HPSE2: variants seen among roughly 807,000 people sequenced by gnomAD.
The protein encoded by HPSE2 is heparanase 2 (inactive).
Under a neutral mutation model 60.5 loss-of-function variants are expected in HPSE2, and 38 were observed. The observed-to-expected ratio is 0.63, with a 90% confidence interval of 0.48 to 0.82. HPSE2 has a LOEUF of 0.82. Ranked by LOEUF, HPSE2 falls within the 40% of genes least tolerant of loss-of-function variation. The probability of loss-of-function intolerance (pLI) is 0.00; values close to 1 mark genes in which losing one functional copy is unlikely to be tolerated. For synonymous variants in HPSE2, 295 were observed against 293.2 expected (o/e 1.01, Z -0.06); for missense variants, 713 against 740.4 (o/e 0.96, Z 0.43).
chr10:98,462,282 G>A (rs1940326724), intron 11 of HPSE2, among the ~76,000 whole-genome samples: 1 of 152,134 alleles, frequency 6.6e-6, no homozygotes, highest in African/African-American at 2.4e-5. Context: ...GGGTTCAAAT[G>A]ATTCTCCTGC....
At chr10:98,733,295 A>AT (rs1181930982) in intron 4 of HPSE2, among the ~76,000 whole-genome samples, 12 of 151,826 alleles carry the variant, frequency 7.9e-5, no homozygotes, top group Admixed American at 2.6e-4. Context: ...TATTTTTTGT[A>AT]TTTTTTTGTA....
At chr10:98,522,129 A>G (rs1040036506) in intron 9 of HPSE2, among the ~76,000 whole-genome samples, 2 of 148,244 alleles carry the variant, frequency 1.3e-5, no homozygotes, top group Non-Finnish European at 3.0e-5. Flanking sequence ...AACTTAAAGG[A>G]TAATTATAAA....
At chr10:98,551,805 T>A (rs1033872337) in intron 9 of HPSE2, among the ~76,000 whole-genome samples, 8 of 152,242 alleles carry the variant, frequency 5.3e-5, no homozygotes, top group African/African-American at 1.4e-4. Context: ...CAAAGTATCC[T>A]AATTGATACA....
chr10:99,122,448 TATGA>T (rs1231106524), intron 3 of HPSE2, among the ~76,000 whole-genome samples: 1 of 151,906 alleles, frequency 6.6e-6, no homozygotes, highest in Non-Finnish European at 1.5e-5. Flanking sequence ...CAAAACACTC[TATGA>T]ATAAGCTACT....
intron 3 of HPSE2, among the ~76,000 whole-genome samples, chr10:99,025,175 G>GATGA: frequency 6.6e-6 from 1 of 152,258 alleles, no homozygotes; most frequent in South Asian, 2.1e-4. Context: ...GAAGCAGAGA[G>GATGA]ATGAAGTTAA....
At chr10:98,622,945 C>T (rs1323215142) in intron 7 of HPSE2, among the ~76,000 whole-genome samples, 11 of 152,138 alleles carry the variant, frequency 7.2e-5, no homozygotes, top group East Asian at 1.9e-4. Context: ...TAAAGGACTA[C>T]ATCTATGATT....
At chr10:98,765,908 A>G (rs1950109375) in intron 3 of HPSE2, among the ~76,000 whole-genome samples, 1 of 152,040 alleles carries the variant, frequency 6.6e-6, no homozygotes, top group Admixed American at 6.6e-5. Context: ...AAGAAGCTAT[A>G]AAAAGAAAAG....
chr10:98,769,025 T>C (rs1365808399), intron 3 of HPSE2, among the ~76,000 whole-genome samples: 2 of 152,160 alleles, frequency 1.3e-5, no homozygotes, highest in Admixed American at 6.6e-5. Context: ...CCAGCCTGCA[T>C]GACAGAGCAA....
chr10:98,677,079 C>T (rs1239892214), intron 6 of HPSE2, among the ~76,000 whole-genome samples: 3 of 152,212 alleles, frequency 2.0e-5, no homozygotes, highest in South Asian at 2.1e-4. Context: ...CCAGGAGCAC[C>T]TCTCCCTTTC....
chr10:99,071,398 A>C (rs1292980111), intron 3 of HPSE2, among the ~76,000 whole-genome samples: 1 of 152,090 alleles, frequency 6.6e-6, no homozygotes, highest in East Asian at 1.9e-4. Flanking sequence ...GAAATGTCAT[A>C]TCTTTCATAG....
chr10:99,017,092 T>C (rs1001427697), intron 3 of HPSE2, among the ~76,000 whole-genome samples: 1 of 152,140 alleles, frequency 6.6e-6, no homozygotes, highest in Non-Finnish European at 1.5e-5. Context: ...AGAGAGACTA[T>C]CCTGTCTTGT....
chr10:98,603,618 C>T (rs917391482), intron 9 of HPSE2, among the ~76,000 whole-genome samples: 5 of 151,834 alleles, frequency 3.3e-5, no homozygotes, highest in Admixed American at 2.6e-4. Flanking sequence ...TTAGTAGTAA[C>T]GGGGTTTCAC....
chr10:98,919,284 A>T (rs1954214316), intron 3 of HPSE2, among the ~76,000 whole-genome samples: 1 of 152,206 alleles, frequency 6.6e-6, no homozygotes, highest in Non-Finnish European at 1.5e-5. Context: ...ACTAGAAAGC[A>T]TGAAGGGGAG....
At chr10:99,034,533 G>A (rs1171454537) in intron 3 of HPSE2, among the ~76,000 whole-genome samples, 1 of 151,884 alleles carries the variant, frequency 6.6e-6, no homozygotes, top group Non-Finnish European at 1.5e-5. Flanking sequence ...AAGATGAAAT[G>A]CAAACTGTGA....
intron 7 of HPSE2, among the ~76,000 whole-genome samples, chr10:98,630,182 CGTTTTTTTTTTT>C (rs900443141): frequency 3.5e-5 from 5 of 143,784 alleles, no homozygotes; most frequent in South Asian, 2.2e-4. Context: ...ACGAAGCAAT[CGTTTTTTTTTTT>C]GTTTTTTTTT....
the HPSE2 span, among the ~76,000 whole-genome samples, chr10:99,304,331 A>T: frequency 1.3e-5 from 2 of 152,210 alleles, no homozygotes; most frequent in Non-Finnish European, 2.9e-5. Context: ...ACTGCCCCTT[A>T]ATCTGCATGC....
At chr10:98,969,026 T>C (rs1033800725) in intron 3 of HPSE2, among the ~76,000 whole-genome samples, 1 of 152,170 alleles carries the variant, frequency 6.6e-6, no homozygotes, top group African/African-American at 2.4e-5. Flanking sequence ...TCACAAAATA[T>C]GTCCTGCATT....
chr10:98,507,226 A>C (rs141979122), intron 9 of HPSE2, among the ~76,000 whole-genome samples: 1 of 152,262 alleles, frequency 6.6e-6, no homozygotes, highest in East Asian at 1.9e-4. Context: ...GTAATGTTTT[A>C]GTTTTGGGGT....
intron 3 of HPSE2, among the ~76,000 whole-genome samples, chr10:98,767,987 ATC>A (rs1370422257): frequency 1.3e-5 from 2 of 150,636 alleles, no homozygotes; most frequent in Non-Finnish European, 3.0e-5. Flanking sequence ...AAAAATAACT[ATC>A]TGTTTATATA....
Sources: gnomAD v4.1 joint callset for allele counts (sites outside exome capture counted in the v4.1 genomes callset) on GRCh38, gnomAD v4.1.1 for gene constraint, MANE v1.5 for transcripts, NCBI Gene and HGNC (gene_info 2026-07-23, HGNC 2026-07-21) for gene names.